Variants in ZUP1 observed in about 807,000 individuals in gnomAD.
The protein encoded by ZUP1 is zinc finger-containing ubiquitin peptidase 1.
A neutral mutation model predicts 68.1 loss-of-function variants in ZUP1; 55 were observed. The observed-to-expected ratio is 0.81, with a 90% CI of 0.65 to 1.01. ZUP1 has a LOEUF of 1.01. Among genes scored for constraint, ZUP1 ranks in the 50% least tolerant of loss-of-function variants. The pLI, the probability that ZUP1 is intolerant of heterozygous loss-of-function variation, is 0.00. For missense variants in ZUP1, 684 were observed against 674.9 expected, an observed-to-expected ratio of 1.01 and a Z score of -0.15; for synonymous variants, 223 against 221.5, an observed-to-expected ratio of 1.01 and a Z score of -0.06.
intron 9 of ZUP1, among the ~76,000 whole-genome samples, chr6:116,638,181 C>T (rs1583357171): frequency 6.6e-6 from 1 of 151,526 alleles, no homozygotes; most frequent in East Asian, 1.9e-4. Context: ...TCCCATTATT[C>T]TCCATAACTG....
rs200997313 is a variant in ZUP1 at position 116,652,059 on chromosome 6, G to A, written c.1095C>T (p.Phe365=). Residue 365 remains phenylalanine, a synonymous_variant, in exon 6 of 10, where the codon TTC becomes TTT. Coordinates refer to ENST00000368576, the MANE Select transcript of ZUP1 (RefSeq NM_145062.3). ...GTAATAATGATGAAAGTAGCATTTG[G>A]AAATTTCTGTAACCACAACCCCAAC... ...DKGWGCGYRN[F]QMLLSSLLQN... The A allele has an allele frequency of 7.0e-5, 113 of 1,613,812 alleles. No homozygotes were observed. The highest frequency in any genetic ancestry group is 1.6e-4 in the Middle Eastern group (1 of 6,084).
At chr6:116,650,400 C>T (rs1307912966) in intron 7 of ZUP1, among the ~76,000 whole-genome samples, 1 of 102,730 alleles carries the variant, frequency 9.7e-6, no homozygotes, top group East Asian at 2.9e-4. Flanking sequence ...CCAGCCTGGG[C>T]AACACAGCAA....
intron 9 of ZUP1, among the ~76,000 whole-genome samples, chr6:116,640,022 C>G (rs1186297016): frequency 6.6e-6 from 1 of 152,080 alleles, no homozygotes; most frequent in Non-Finnish European, 1.5e-5. Context: ...AGCCAAGGCT[C>G]GAGAACTACG....
chr6:116,644,948 C>A (rs1026619025), intron 9 of ZUP1, among the ~76,000 whole-genome samples: 1 of 151,866 alleles, frequency 6.6e-6, no homozygotes, highest in Non-Finnish European at 1.5e-5. Context: ...AGGAAACGGG[C>A]ATTTAATGAC....
intron 5 of ZUP1, among the ~76,000 whole-genome samples, chr6:116,654,293 AG>A (rs1776599437): frequency 6.6e-6 from 1 of 151,996 alleles, no homozygotes; most frequent in Admixed American, 6.5e-5. Flanking sequence ...TATCACAAAT[AG>A]GTGGAGAAAA....
chr6:116,643,286 C>T (rs900966488), intron 9 of ZUP1, among the ~76,000 whole-genome samples: 1 of 151,672 alleles, frequency 6.6e-6, no homozygotes, highest in African/African-American at 2.4e-5. Context: ...AGATTCAATG[C>T]CATCCCCATC....
At chr6:116,654,184 T>A (rs1335244800) in intron 5 of ZUP1, among the ~76,000 whole-genome samples, 1 of 151,952 alleles carries the variant, frequency 6.6e-6, no homozygotes, top group Admixed American at 6.6e-5. Context: ...GGATGCTCTA[T>A]GCTATAGTGA....
Position 116,666,961 on chromosome 6 carries a change from C to T in ZUP1, c.232G>A (p.Asp78Asn). Residue 78 changes from aspartate to asparagine, a missense_variant, in exon 2 of 10, where the codon GAC becomes AAC. Coordinates refer to ENST00000368576, the MANE Select transcript of ZUP1 (RefSeq NM_145062.3). ...TCCATTCCACACTGTAGGGTGTTGTCTTTCTTGTTATCTGAAGTTCCATAT... is the reference window on the plus strand; with the variant it reads ...TCCATTCCACACTGTAGGGTGTTGTTTTTCTTGTTATCTGAAGTTCCATAT... Reference protein sequence around the residue: ...VQYGTSDNKKDNTLQCGMEVN... With the variant: ...VQYGTSDNKKNNTLQCGMEVN... 2 of 1,612,634 alleles carry T rather than the reference C, an allele frequency of 1.2e-6. No individual in the cohort carries two copies. Among genetic ancestry groups the T allele is most frequent in the East Asian group, 2.2e-5 (1 of 44,818 alleles).
intron 2 of ZUP1, among the ~76,000 whole-genome samples, chr6:116,665,605 T>C (rs1344209239): frequency 6.7e-6 from 1 of 148,990 alleles, no homozygotes; most frequent in Non-Finnish European, 1.5e-5. Context: ...CAGGGTCTTA[T>C]TCAGTCACCC....
At chr6:116,640,383 T>C (rs1041919155) in intron 9 of ZUP1, among the ~76,000 whole-genome samples, 4 of 152,026 alleles carry the variant, frequency 2.6e-5, no homozygotes, top group Admixed American at 2.0e-4. Flanking sequence ...AGACACATAA[T>C]TGTCAGATTT....
Position 116,666,628 on chromosome 6 carries a change from CT to C in ZUP1, c.559+5del. 6.5e-7 allele frequency: 1 copy of C among 1,539,388 alleles called. No individual in the cohort carries two copies. On this transcript the variant is annotated splice_donor_5th_base_variant and intron_variant, in intron 2 of 9. Transcript: ENST00000368576. ...CTTATAATTTATAATGAAATGAAAA[CT>C]TTACCTTCCAATGGAATGTCTAAAA...
intron 3 of ZUP1, among the ~76,000 whole-genome samples, chr6:116,659,155 G>A (rs750092390): frequency 2.6e-5 from 4 of 152,126 alleles, no homozygotes; most frequent in Non-Finnish European, 5.9e-5. Flanking sequence ...TTGAGACGGA[G>A]TTTCGCTCTT....
intron 9 of ZUP1, among the ~76,000 whole-genome samples, chr6:116,643,912 T>C (rs994396499): frequency 1.2e-3 from 175 of 152,088 alleles, no homozygotes; most frequent in African/African-American, 4.1e-3. Context: ...ACCTACAAAA[T>C]AGGAGAAAAT....
rs1251913692 is a variant in ZUP1, at chr6:116,668,574, A to T, written c.-24T>A. 1 of 152,582 alleles carries T rather than the reference A, an allele frequency of 6.6e-6. No individual in the cohort carries two copies. The highest frequency in any genetic ancestry group is 2.4e-5 in the African/African-American group (1 of 41,478). The allele number at this position is 152,582 out of a possible 1,614,324, so 9.5% of individuals were successfully genotyped here. A position where few individuals can be genotyped will look rare whatever the true frequency, so the allele number is the denominator to read the frequency against. On this transcript the variant is annotated 5_prime_UTR_variant, in exon 1 of 10. Transcript: ENST00000368576. ...GGACCATCAATTCTTACCGGCCCAG[A>T]GGCCAGCAGCTGCCACACTGAGCTC...
intron 3 of ZUP1, among the ~76,000 whole-genome samples, chr6:116,659,189 G>A (rs1429976931): frequency 6.6e-6 from 1 of 152,126 alleles, no homozygotes; most frequent in Non-Finnish European, 1.5e-5. Context: ...GAGTACAATG[G>A]TGCGATCTCA....
At chr6:116,653,390 T>C (rs1429263268) in intron 5 of ZUP1, among the ~76,000 whole-genome samples, 1 of 152,060 alleles carries the variant, frequency 6.6e-6, no homozygotes, top group Non-Finnish European at 1.5e-5. Context: ...TCATAGCATG[T>C]GGCACCAAAG....
chr6:116,645,349 G>C (rs1022408288), intron 9 of ZUP1, among the ~76,000 whole-genome samples: 1 of 152,036 alleles, frequency 6.6e-6, no homozygotes, highest in African/African-American at 2.4e-5. Context: ...GGGAGGCTGA[G>C]GTGGGCAGAT....
Position 116,647,630 on chromosome 6 carries a change from T to C in ZUP1, c.1317-20A>G. Reference sequence around the variant, plus strand: ...TGACACCTATTAAAAATTGACAAAATGCACATTTAAAGGGCATTTTAAAAT... The same window carrying C: ...TGACACCTATTAAAAATTGACAAAACGCACATTTAAAGGGCATTTTAAAAT... On this transcript the variant is annotated intron_variant, in intron 7 of 9. Transcript: ENST00000368576. The C allele has an allele frequency of 6.7e-7, 1 of 1,491,834 alleles. No homozygotes were observed. Among genetic ancestry groups the C allele is most frequent in the South Asian group, 1.4e-5 (1 of 71,476 alleles). The allele number at this position is 1,491,834 out of a possible 1,614,324, so 92.4% of individuals were successfully genotyped here.
At chr6:116,658,961 G>A in intron 3 of ZUP1, 37 bp from the exon 4 acceptor site, 1 of 1,528,868 alleles carries the variant, frequency 6.5e-7, no homozygotes, top group African/African-American at 1.4e-5. Flanking sequence ...TAAAATAACT[G>A]TTGCAATCAA....
Sources: allele counts gnomAD v4.1 joint callset (sites outside exome capture counted in the v4.1 genomes callset), GRCh38; gene constraint gnomAD v4.1.1; transcripts MANE v1.5; gene names NCBI Gene and HGNC (gene_info 2026-07-23, HGNC 2026-07-21).